Variants in IL1RAPL1 observed in about 807,000 individuals in gnomAD.
The protein encoded by IL1RAPL1 is interleukin-1 receptor accessory protein-like 1.
A neutral mutation model predicts 48.4 loss-of-function variants in IL1RAPL1; 3 were observed. That is an observed-to-expected ratio of 0.06 (90% CI 0.03 to 0.16). The LOEUF (loss-of-function observed/expected upper bound fraction) is 0.16, where lower values mean the gene tolerates loss of function less well. Ranked by LOEUF, IL1RAPL1 falls within the 10% of genes least tolerant of loss-of-function variation. The pLI is 1.00. For synonymous variants in IL1RAPL1, 185 were observed against 187.7 expected, an observed-to-expected ratio of 0.99 and a Z score of 0.12; for missense variants, 349 against 530.6, an observed-to-expected ratio of 0.66 and a Z score of 3.36.
At chrX:29,782,372 G>A (rs59055352) in intron 6 of IL1RAPL1, among the ~76,000 whole-genome samples, 1,966 of 111,131 alleles carry the variant, frequency 0.018, 40 homozygotes, top group African/African-American at 0.057. Context: ...TACATTTTGC[G>A]TAACCTAGTG....
chrX:29,896,484 C>CACAT (rs1399867707), intron 6 of IL1RAPL1, among the ~76,000 whole-genome samples: 1 of 111,989 alleles, frequency 8.9e-6, no homozygotes, highest in South Asian at 3.6e-4. Flanking sequence ...TGTGTGTATA[C>CACAT]ACATACATAT....
At chrX:29,424,084 G>A (rs1048944653) in intron 5 of IL1RAPL1, among the ~76,000 whole-genome samples, 1 of 111,419 alleles carries the variant, frequency 9.0e-6, no homozygotes, top group African/African-American at 3.3e-5. Context: ...ATAAAGGGTG[G>A]TGGGAATTCT....
rs140225954 is a variant in IL1RAPL1 at position 28,750,240 on chromosome X, A to G, written c.-24-39080A>G. Among the ~76,000 whole-genome samples the G allele has an allele frequency of 5.5e-3, 619 of 111,776 alleles. 5 individuals carry two copies. The highest frequency in any genetic ancestry group is 0.019 in the African/African-American group (583 of 30,818). On this transcript the variant is annotated intron_variant, in intron 1 of 10. Transcript: ENST00000378993. ...TGCTGGAATTACAGATCTACATTGT[A>G]TCTTGATGGCAGTATAACTATTATT...
chrX:28,820,577 G>A (rs2147281124), intron 2 of IL1RAPL1, among the ~76,000 whole-genome samples: 1 of 111,777 alleles, frequency 8.9e-6, no homozygotes, highest in Non-Finnish European at 1.9e-5. Flanking sequence ...ATATTAGTCA[G>A]GAAATCAGAA....
chrX:29,467,003 T>C (rs141886057), intron 5 of IL1RAPL1, among the ~76,000 whole-genome samples: 96 of 111,314 alleles, frequency 8.6e-4, no homozygotes, highest in African/African-American at 3.1e-3. Flanking sequence ...AACTGCAGGA[T>C]AGGCCCAGTA....
At chrX:29,736,716 C>G (rs1569156922) in intron 6 of IL1RAPL1, among the ~76,000 whole-genome samples, 3 of 111,663 alleles carry the variant, frequency 2.7e-5, no homozygotes, top group Non-Finnish European at 3.8e-5. Flanking sequence ...ACAGAGACTC[C>G]GTCTCAAGAA....
At chrX:29,495,558 CTT>C (rs1418455396) in intron 5 of IL1RAPL1, among the ~76,000 whole-genome samples, 4 of 111,413 alleles carry the variant, frequency 3.6e-5, no homozygotes, top group African/African-American at 1.3e-4. Context: ...GCCCAAATCT[CTT>C]TTGCTGACCT....
At position 29,288,516 on chromosome X, in the gene IL1RAPL1, T is replaced by C. The variant is rs191914337; in HGVS notation, c.362+5299T>C. Among the ~76,000 whole-genome samples, 69 of 112,389 alleles carry C rather than the reference T, an allele frequency of 6.1e-4. 1 individual carries two copies. In the East Asian group the frequency reaches 0.016, roughly 27 times the overall value. On this transcript the variant is annotated intron_variant, in intron 3 of 10. Coordinates refer to ENST00000378993, the MANE Select transcript of IL1RAPL1 (RefSeq NM_014271.4). Reference sequence around the variant, plus strand: ...CATTCTTCTTTATGGCAGCATAGTATTCCATGGTGTATATGTACCACATTT... The same window carrying C: ...CATTCTTCTTTATGGCAGCATAGTACTCCATGGTGTATATGTACCACATTT...
chrX:28,948,644 C>T (rs1310440508), intron 2 of IL1RAPL1, among the ~76,000 whole-genome samples: 4 of 111,576 alleles, frequency 3.6e-5, no homozygotes, highest in Non-Finnish European at 7.5e-5. Flanking sequence ...ATGTAAAGCA[C>T]CTGTAACATT....
chrX:29,087,410 A>G (rs1927978247), intron 2 of IL1RAPL1, among the ~76,000 whole-genome samples: 1 of 111,036 alleles, frequency 9.0e-6, no homozygotes, highest in Non-Finnish European at 1.9e-5. Context: ...TGCTGTGATT[A>G]CAGGCATGAG....
intron 1 of IL1RAPL1, among the ~76,000 whole-genome samples, chrX:28,682,249 G>C (rs1935068413): frequency 9.0e-6 from 1 of 111,322 alleles, no homozygotes. Flanking sequence ...CTGCTCTGAA[G>C]ATTAATGTAT....
chrX:29,235,179 A>T (rs188486426), intron 2 of IL1RAPL1, among the ~76,000 whole-genome samples: 206 of 112,366 alleles, frequency 1.8e-3, no homozygotes, highest in African/African-American at 6.6e-3. Context: ...AGTCAGTCAC[A>T]TTGAACAATA....
intron 6 of IL1RAPL1, among the ~76,000 whole-genome samples, chrX:29,789,808 T>C (rs1288281010): frequency 9.6e-6 from 1 of 104,102 alleles, no homozygotes; most frequent in Non-Finnish European, 2.0e-5. Context: ...TATCTCAAAG[T>C]GTTCTTAGAG....
intron 6 of IL1RAPL1, among the ~76,000 whole-genome samples, chrX:29,722,477 C>T (rs1467034881): frequency 3.6e-5 from 4 of 112,108 alleles, no homozygotes; most frequent in South Asian, 7.4e-4. Context: ...CTTTTTCCTT[C>T]TGTTTTTCTC....
chrX:29,411,549 A>G (rs1934143216), intron 5 of IL1RAPL1, among the ~76,000 whole-genome samples: 1 of 111,501 alleles, frequency 9.0e-6, no homozygotes, highest in Non-Finnish European at 1.9e-5. Context: ...TGTTTTCATT[A>G]TAATAACCCT....
chrX:29,232,990 G>T, intron 2 of IL1RAPL1, among the ~76,000 whole-genome samples: 1 of 110,129 alleles, frequency 9.1e-6, no homozygotes, highest in Admixed American at 9.7e-5. Flanking sequence ...ACAGAGACAG[G>T]GTTTCACCAT....
At chrX:29,507,562 A>T (rs1463168317) in intron 5 of IL1RAPL1, among the ~76,000 whole-genome samples, 2 of 98,472 alleles carry the variant, frequency 2.0e-5, no homozygotes, top group Non-Finnish European at 4.1e-5. Context: ...CTCTACAATT[A>T]AAAAAAATGT....
At chrX:29,290,272 T>C (rs1429155868) in intron 3 of IL1RAPL1, among the ~76,000 whole-genome samples, 1 of 111,749 alleles carries the variant, frequency 8.9e-6, no homozygotes, top group Admixed American at 9.5e-5. Context: ...AACTAAAAAG[T>C]CTGCATGTAA....
chrX:29,300,204 A>T, intron 3 of IL1RAPL1, among the ~76,000 whole-genome samples: 1 of 111,630 alleles, frequency 9.0e-6, no homozygotes, highest in East Asian at 2.8e-4. Flanking sequence ...TAAGACAATG[A>T]TCCTTTTAAG....
Sources: gnomAD v4.1 joint callset for allele counts (sites outside exome capture counted in the v4.1 genomes callset) on GRCh38, gnomAD v4.1.1 for gene constraint, MANE v1.5 for transcripts, NCBI Gene and HGNC (gene_info 2026-07-23, HGNC 2026-07-21) for gene names.